RBMS3: variants seen among roughly 807,000 people sequenced by gnomAD.
RBMS3 encodes the protein RNA binding motif single stranded interacting protein 3, also known as RNA-binding motif, single-stranded-interacting protein 3.
RBMS3 carries 27 observed loss-of-function variants against 66.8 expected under a neutral mutation model. The observed-to-expected ratio is 0.40, with a 90% CI of 0.30 to 0.56. The LOEUF is 0.56. Among genes scored for constraint, RBMS3 ranks in the 20% least tolerant of loss-of-function variants. The pLI is 0.40. For missense variants in RBMS3, 513 were observed against 549.5 expected (o/e 0.93, Z 0.66); for synonymous variants, 188 against 183.0 (o/e 1.03, Z -0.22).
intron 4 of RBMS3, among the ~76,000 whole-genome samples, chr3:29,665,410 T>C (rs2050712332): frequency 6.6e-6 from 1 of 152,236 alleles, no homozygotes; most frequent in Non-Finnish European, 1.5e-5. Context: ...TTTAACTGAA[T>C]GTAATATTCA....
chr3:29,876,517 G>C (rs61127768), intron 7 of RBMS3, among the ~76,000 whole-genome samples: 1 of 152,294 alleles, frequency 6.6e-6, no homozygotes, highest in African/African-American at 2.4e-5. Context: ...CACTGGGCTA[G>C]AAAGAGGCGA....
At chr3:29,480,700 A>C (rs17023693) in intron 2 of RBMS3, among the ~76,000 whole-genome samples, 11,043 of 152,282 alleles carry the variant, frequency 0.073, 477 homozygotes, top group East Asian at 0.16. Flanking sequence ...TGAGTAGAGC[A>C]ATCATTCAAG....
chr3:29,865,440 A>T (rs902635236), intron 6 of RBMS3, among the ~76,000 whole-genome samples: 1 of 152,326 alleles, frequency 6.6e-6, no homozygotes, highest in Middle Eastern at 3.4e-3. Flanking sequence ...ATAGATTACC[A>T]TTTACAACTT....
At chr3:29,828,977 A>ACTTACTTTCTTT (rs1357556124) in intron 6 of RBMS3, among the ~76,000 whole-genome samples, 1 of 98,608 alleles carries the variant, frequency 1.0e-5, no homozygotes, top group East Asian at 2.5e-4. Flanking sequence ...TTAGCGAGTG[A>ACTTACTTTCTTT]CTTTCTTTCT....
intron 4 of RBMS3, among the ~76,000 whole-genome samples, chr3:29,672,101 T>C (rs911050442): frequency 6.6e-6 from 1 of 152,186 alleles, no homozygotes; most frequent in African/African-American, 2.4e-5. Flanking sequence ...ACAGGAACTC[T>C]ATAAGCCAGA....
At chr3:29,752,642 C>T (rs2149367916) in intron 5 of RBMS3, among the ~76,000 whole-genome samples, 1 of 152,298 alleles carries the variant, frequency 6.6e-6, no homozygotes, top group Admixed American at 6.5e-5. Flanking sequence ...ACATACAGGA[C>T]ACATAGAAGC....
intron 1 of RBMS3, among the ~76,000 whole-genome samples, chr3:29,351,972 T>C (rs990557900): frequency 1.7e-4 from 26 of 152,128 alleles, no homozygotes; most frequent in Admixed American, 9.2e-4. Context: ...ACACTAATTA[T>C]TGTAATTATT....
intron 6 of RBMS3, among the ~76,000 whole-genome samples, chr3:29,823,459 T>C (rs902644757): frequency 1.3e-5 from 2 of 152,228 alleles, no homozygotes; most frequent in Non-Finnish European, 2.9e-5. Context: ...TATCACAGTC[T>C]GTTGAAAGAC....
chr3:29,665,707 G>A (rs954487968), intron 4 of RBMS3, among the ~76,000 whole-genome samples: 10 of 152,120 alleles, frequency 6.6e-5, no homozygotes, highest in African/African-American at 2.2e-4. Context: ...TTGGTAACCA[G>A]TTAAAACTAG....
At chr3:29,587,824 A>G (rs1000913878) in intron 4 of RBMS3, among the ~76,000 whole-genome samples, 1 of 151,944 alleles carries the variant, frequency 6.6e-6, no homozygotes, top group Non-Finnish European at 1.5e-5. Context: ...ATAATTTTCA[A>G]TAATTAAGTA....
At chr3:29,655,254 A>T (rs2050286413) in intron 4 of RBMS3, among the ~76,000 whole-genome samples, 1 of 152,194 alleles carries the variant, frequency 6.6e-6, no homozygotes, top group African/African-American at 2.4e-5. Flanking sequence ...TTTCATGGAA[A>T]GAGAGCTGGT....
At chr3:29,836,956 T>C (rs1412558203) in intron 6 of RBMS3, among the ~76,000 whole-genome samples, 3 of 152,140 alleles carry the variant, frequency 2.0e-5, no homozygotes, top group Middle Eastern at 3.4e-3. Context: ...AATTTGCCCA[T>C]CTTTGTCCTC....
chr3:29,324,011 AT>A (rs1352980935), intron 1 of RBMS3, among the ~76,000 whole-genome samples: 4 of 144,546 alleles, frequency 2.8e-5, no homozygotes, highest in Non-Finnish European at 3.0e-5. Context: ...AAAAAAAAAA[AT>A]TCACTGCAAG....
intron 6 of RBMS3, among the ~76,000 whole-genome samples, chr3:29,817,404 C>T (rs1401804040): frequency 6.6e-6 from 1 of 151,906 alleles, no homozygotes; most frequent in Non-Finnish European, 1.5e-5. Context: ...AGGTTTTTAC[C>T]ATGTTGGCCA....
chr3:29,932,154 T>C (rs2061146487), intron 10 of RBMS3, among the ~76,000 whole-genome samples: 1 of 152,210 alleles, frequency 6.6e-6, no homozygotes, highest in Non-Finnish European at 1.5e-5. Context: ...GCATGTCAGG[T>C]CATCACACTT....
chr3:29,956,578 G>A (rs1284750661), intron 12 of RBMS3, among the ~76,000 whole-genome samples: 2 of 151,984 alleles, frequency 1.3e-5, no homozygotes, highest in Admixed American at 6.6e-5. Context: ...CTTAATAAAT[G>A]TGGAGAGAAA....
intron 1 of RBMS3, among the ~76,000 whole-genome samples, chr3:29,391,897 A>G (rs1180288055): frequency 3.3e-5 from 5 of 152,234 alleles, no homozygotes; most frequent in African/African-American, 1.2e-4. Flanking sequence ...AATGAGTTGT[A>G]TGAGATTGAT....
chr3:29,964,521 C>T (rs1021063556), intron 12 of RBMS3, among the ~76,000 whole-genome samples: 24 of 152,078 alleles, frequency 1.6e-4, no homozygotes, highest in Admixed American at 1.6e-3. Context: ...TTCTCCCGGG[C>T]TTTTCTAAAA....
At chr3:29,555,877 T>C (rs1438469136) in intron 3 of RBMS3, among the ~76,000 whole-genome samples, 1 of 106,060 alleles carries the variant, frequency 9.4e-6, no homozygotes, top group Non-Finnish European at 2.0e-5. Flanking sequence ...AGAAAAGACA[T>C]ATTTCAAAAG....
Sources: allele counts gnomAD v4.1 joint callset (sites outside exome capture counted in the v4.1 genomes callset), GRCh38; gene constraint gnomAD v4.1.1; transcripts MANE v1.5; gene names NCBI Gene and HGNC (gene_info 2026-07-23, HGNC 2026-07-21).